RANBP9: variants seen among roughly 807,000 people sequenced by gnomAD.
RANBP9 encodes the protein RAN binding protein 9, also known as ran-binding protein 9.
In RANBP9, 15 loss-of-function variants were observed where a neutral mutation model predicts 84.3. That is an observed-to-expected ratio of 0.18 (90% confidence interval 0.12 to 0.27). RANBP9 has a LOEUF of 0.27. Among genes scored for constraint, RANBP9 ranks in the 10% least tolerant of loss-of-function variants. The pLI is 1.00. For synonymous variants in RANBP9, 392 were observed against 349.6 expected, an observed-to-expected ratio of 1.12 and a Z score of -1.35; for missense variants, 809 against 912.8, an observed-to-expected ratio of 0.89 and a Z score of 1.46.
intron 12 of RANBP9, among the ~76,000 whole-genome samples, chr6:13,629,420 T>C (rs1466121444): frequency 1.3e-5 from 2 of 152,212 alleles, no homozygotes; most frequent in Non-Finnish European, 2.9e-5. Flanking sequence ...GGCACAAAAC[T>C]GAAAATACCT....
At position 13,711,140 on chromosome 6, in the gene RANBP9, A is replaced by C. The variant is rs1584955329; in HGVS notation, c.366T>G (p.Ala122=). ...CCGCGGCGCTGCTGCCCGCCACCAG[A>C]GCTGGGGTCGGGGCTCCTCCAGCCG... is the stretch of plus-strand genomic sequence containing the variant. ...PGPAGGAPTP[A]LVAGSSAAAP... is the part of the protein sequence containing the mutation. The change falls in exon 1 of 14, where the codon GCT becomes GCG. Residue 122 remains alanine, a synonymous_variant. Transcript: ENST00000011619. 1 of 1,525,704 alleles carries C rather than the reference A, an allele frequency of 6.6e-7. No individual in the cohort carries two copies. The highest frequency in any genetic ancestry group is 2.6e-5 in the East Asian group (1 of 39,024). The allele number at this position is 1,525,704 out of a possible 1,614,324, so 94.5% of individuals were successfully genotyped here.
At chr6:13,688,739 C>T (rs1263829316) in intron 2 of RANBP9, among the ~76,000 whole-genome samples, 1 of 151,848 alleles carries the variant, frequency 6.6e-6, no homozygotes, top group Non-Finnish European at 1.5e-5. Flanking sequence ...CACAACCTAA[C>T]TCCTAGCCCT....
chr6:13,689,045 G>C (rs1373467211), intron 2 of RANBP9, among the ~76,000 whole-genome samples: 1 of 146,358 alleles, frequency 6.8e-6, no homozygotes, highest in Non-Finnish European at 1.5e-5. Flanking sequence ...CCAGCTACCT[G>C]GGAGGCTAAG....
Position 13,647,776 on chromosome 6 carries a change from G to A in RANBP9, c.928-3047C>T, listed in dbSNP as rs1312305031. On this transcript the variant is annotated intron_variant, in intron 5 of 13. Coordinates refer to ENST00000011619, the MANE Select transcript of RANBP9 (RefSeq NM_005493.3). ...CTGATATTGATTAAAAAAACTTTTA[G>A]TAATATTAAGTCAGTTTTGGCTCAC... Among the ~76,000 whole-genome samples the A allele has an allele frequency of 4.6e-5, 7 of 152,028 alleles. 1 individual carries two copies. In the South Asian group the frequency reaches 6.2e-4, roughly 14 times the overall value.
chr6:13,646,693 A>T (rs191307814), intron 5 of RANBP9, among the ~76,000 whole-genome samples: 380 of 152,330 alleles, frequency 2.5e-3, no homozygotes, highest in African/African-American at 8.9e-3. Flanking sequence ...ATTTCATAAA[A>T]ATTTAAAACT....
At chr6:13,655,787 C>T (rs1285260813) in intron 4 of RANBP9, among the ~76,000 whole-genome samples, 1 of 152,130 alleles carries the variant, frequency 6.6e-6, no homozygotes, top group Non-Finnish European at 1.5e-5. Flanking sequence ...TTCAAAACTT[C>T]CAACATCTTA....
At chr6:13,688,411 C>T (rs1372733072) in intron 2 of RANBP9, among the ~76,000 whole-genome samples, 1 of 152,184 alleles carries the variant, frequency 6.6e-6, no homozygotes, top group Non-Finnish European at 1.5e-5. Flanking sequence ...GATCACCACC[C>T]TGTCTTCCAA....
chr6:13,685,468 G>C (rs1490575394), intron 2 of RANBP9, among the ~76,000 whole-genome samples: 1 of 152,174 alleles, frequency 6.6e-6, no homozygotes, highest in Non-Finnish European at 1.5e-5. Flanking sequence ...AGCTACTCGA[G>C]TGGCTGAGGC....
chr6:13,646,950 TTAAAAA>T (rs1765186275), intron 5 of RANBP9, among the ~76,000 whole-genome samples: 1 of 152,214 alleles, frequency 6.6e-6, no homozygotes, highest in African/African-American at 2.4e-5. Flanking sequence ...TAATGCGCAC[TTAAAAA>T]TAAAATCAAT....
In RANBP9 at chr6:13,657,722, T is replaced by C. The variant is rs186267120; in HGVS notation, c.737-446A>G. Among the ~76,000 whole-genome samples, 77 of 152,314 alleles carry C rather than the reference T, an allele frequency of 5.1e-4. No individual in the cohort carries two copies. The East Asian group carries it at 0.014, about 29-fold the overall frequency. ...AATATAAAAGCCAAACAGGGTGTGG[T>C]CTTACCACACTACAGATATGTTTAT... On this transcript the variant is annotated intron_variant, in intron 3 of 13. Transcript: ENST00000011619.
At chr6:13,631,726 A>T (rs1764787775) in intron 12 of RANBP9, among the ~76,000 whole-genome samples, 1 of 152,242 alleles carries the variant, frequency 6.6e-6, no homozygotes, top group East Asian at 1.9e-4. Context: ...ACATCTCTAC[A>T]ACTGCAATGC....
intron 1 of RANBP9, among the ~76,000 whole-genome samples, chr6:13,698,153 C>T (rs1291312598): frequency 1.3e-5 from 2 of 152,086 alleles, no homozygotes; most frequent in Middle Eastern, 3.4e-3. Flanking sequence ...ACCCCCCACT[C>T]CCCCCACAAA....
intron 1 of RANBP9, among the ~76,000 whole-genome samples, chr6:13,706,520 T>G (rs1015461420): frequency 1.4e-5 from 2 of 144,702 alleles, no homozygotes; most frequent in African/African-American, 5.2e-5. Flanking sequence ...TGTTGAAACC[T>G]CCCCTCTACT....
intron 4 of RANBP9, among the ~76,000 whole-genome samples, chr6:13,652,929 T>A (rs562775579): frequency 1.3e-5 from 2 of 152,304 alleles, no homozygotes; most frequent in South Asian, 4.1e-4. Context: ...GATGCTGCCA[T>A]TGTCTCCAGG....
intron 2 of RANBP9, among the ~76,000 whole-genome samples, chr6:13,660,183 G>C (rs1251881121): frequency 6.6e-6 from 1 of 152,156 alleles, no homozygotes; most frequent in Admixed American, 6.5e-5. Context: ...AATGGATATA[G>C]TTAACTTCTG....
At chr6:13,646,750 T>C (rs1437686768) in intron 5 of RANBP9, among the ~76,000 whole-genome samples, 4 of 151,870 alleles carry the variant, frequency 2.6e-5, no homozygotes, top group Admixed American at 2.0e-4. Context: ...AATGACTCTC[T>C]AGAAAAAAAA....
At chr6:13,666,713 T>C (rs960284553) in intron 2 of RANBP9, among the ~76,000 whole-genome samples, 11 of 149,452 alleles carry the variant, frequency 7.4e-5, no homozygotes, top group African/African-American at 2.2e-4. Context: ...CAGTAAGACA[T>C]GATGGTACTA....
chr6:13,688,385 C>T lies in RANBP9; in HGVS notation c.683+8400G>A, dbSNP rs141223276. Among the ~76,000 whole-genome samples the T allele has an allele frequency of 1.4e-3, 219 of 152,242 alleles. 2 individuals carry two copies. In the East Asian group the frequency reaches 0.028, roughly 19 times the overall value. ...TCTTCTGTAATTTTATGTAAGCTTC[C>T]TAGATAGACTTCCCTGATCACCACC... On this transcript the variant is annotated intron_variant, in intron 2 of 13. Coordinates refer to ENST00000011619, the MANE Select transcript of RANBP9 (RefSeq NM_005493.3).
At chr6:13,683,638 T>G (rs1042366871) in intron 2 of RANBP9, among the ~76,000 whole-genome samples, 1 of 152,198 alleles carries the variant, frequency 6.6e-6, no homozygotes, top group Admixed American at 6.5e-5. Context: ...AAATGTCAAC[T>G]GCCATTAATC....
Sources: allele counts gnomAD v4.1 joint callset (sites outside exome capture counted in the v4.1 genomes callset), GRCh38; gene constraint gnomAD v4.1.1; transcripts MANE v1.5; gene names NCBI Gene and HGNC (gene_info 2026-07-23, HGNC 2026-07-21).